Variants in ATP6V1H observed in about 807,000 individuals in gnomAD.
The protein encoded by ATP6V1H is V-type proton ATPase subunit H.
In ATP6V1H, 39 loss-of-function variants were observed where a neutral mutation model predicts 71.7. The observed-to-expected ratio is 0.54, with a 90% CI of 0.42 to 0.71. The LOEUF is 0.71. Among genes scored for constraint, ATP6V1H ranks in the 30% least tolerant of loss-of-function variants. ATP6V1H has a pLI of 0.00. For missense variants in ATP6V1H, 509 were observed against 594.9 expected (o/e 0.86, Z 1.50); for synonymous variants, 192 against 199.3 (o/e 0.96, Z 0.31).
intron 12 of ATP6V1H, among the ~76,000 whole-genome samples, chr8:53,750,734 T>C (rs1049619001): frequency 1.1e-4 from 16 of 151,872 alleles, no homozygotes; most frequent in African/African-American, 3.9e-4. Flanking sequence ...GAGAAACTTG[T>C]AAAAACAAAA....
intron 13 of ATP6V1H, among the ~76,000 whole-genome samples, chr8:53,729,808 A>G (rs1466325865): frequency 1.3e-5 from 2 of 152,190 alleles, no homozygotes; most frequent in African/African-American, 4.8e-5. Context: ...AAGTCCTTCA[A>G]AGTCCTCTGA....
At chr8:53,764,130 G>T (rs1195823847) in intron 11 of ATP6V1H, among the ~76,000 whole-genome samples, 1 of 152,114 alleles carries the variant, frequency 6.6e-6, no homozygotes, top group Non-Finnish European at 1.5e-5. Flanking sequence ...ATTCTCTACA[G>T]TCTCTTCCAG....
At chr8:53,827,761 C>A (rs868116167) in intron 4 of ATP6V1H, among the ~76,000 whole-genome samples, 2 of 152,114 alleles carry the variant, frequency 1.3e-5, no homozygotes, top group Admixed American at 6.6e-5. Flanking sequence ...CTCTCTCCCC[C>A]CACCCTCCAC....
intron 11 of ATP6V1H, among the ~76,000 whole-genome samples, chr8:53,761,051 T>C (rs942065262): frequency 1.3e-5 from 2 of 152,066 alleles, no homozygotes; most frequent in African/African-American, 4.8e-5. Flanking sequence ...AAATACCATA[T>C]ACTAGCCAGG....
chr8:53,794,137 A>T (rs1054395250), intron 9 of ATP6V1H, among the ~76,000 whole-genome samples: 2 of 152,208 alleles, frequency 1.3e-5, no homozygotes, highest in Non-Finnish European at 2.9e-5. Context: ...ATTAAAAAAA[A>T]TACTGAATAT....
intron 10 of ATP6V1H, among the ~76,000 whole-genome samples, chr8:53,771,598 G>A (rs938934302): frequency 6.6e-6 from 1 of 152,098 alleles, no homozygotes; most frequent in Non-Finnish European, 1.5e-5. Context: ...TAAAACATGA[G>A]CCAAAAGGCC....
At chr8:53,786,210 C>T (rs999045342) in intron 9 of ATP6V1H, among the ~76,000 whole-genome samples, 2 of 152,180 alleles carry the variant, frequency 1.3e-5, no homozygotes, top group Non-Finnish European at 2.9e-5. Flanking sequence ...CAGGCCGCTT[C>T]GTTTACCTAC....
chr8:53,802,806 T>C (rs865894544), intron 7 of ATP6V1H, among the ~76,000 whole-genome samples: 9 of 152,302 alleles, frequency 5.9e-5, no homozygotes, highest in Middle Eastern at 6.8e-3. Context: ...AAACTTTATT[T>C]AAAAACCCAT....
intron 13 of ATP6V1H, among the ~76,000 whole-genome samples, chr8:53,718,632 T>A (rs1806510530): frequency 6.6e-6 from 1 of 152,166 alleles, no homozygotes; most frequent in Non-Finnish European, 1.5e-5. Context: ...TTTAGTGATA[T>A]GCCTGCCTCA....
At chr8:53,797,628 A>C (rs7018162) in intron 8 of ATP6V1H, among the ~76,000 whole-genome samples, 26,705 of 151,642 alleles carry the variant, frequency 0.18, 3,954 homozygotes, top group African/African-American at 0.39. Context: ...ATTTTACATC[A>C]CCCACCCCAC....
rs532169820 is a variant in ATP6V1H, at chr8:53,779,876, C to T, written c.871-7709G>A. Among the ~76,000 whole-genome samples, 16 of 152,158 alleles carry T rather than the reference C, an allele frequency of 1.1e-4. No homozygotes were observed. The South Asian group carries it at 2.9e-3, about 28-fold the overall frequency. On this transcript the variant is annotated intron_variant, in intron 9 of 13. Transcript: ENST00000359530. Reference sequence around the variant, plus strand: ...TTAAACTCCATCTTTAAGATATTGTCGGCTGGACTTGATGGCTCACACCTA... The same window carrying T: ...TTAAACTCCATCTTTAAGATATTGTTGGCTGGACTTGATGGCTCACACCTA...
intron 12 of ATP6V1H, among the ~76,000 whole-genome samples, chr8:53,755,699 T>C (rs1585749930): frequency 5.0e-4 from 1 of 2,000 alleles, no homozygotes; most frequent in Non-Finnish European, 1.3e-3. Context: ...TATATATATA[T>C]ATATATATAT....
At chr8:53,736,862 TAGTC>T (rs1215385723) in intron 13 of ATP6V1H, among the ~76,000 whole-genome samples, 1 of 152,184 alleles carries the variant, frequency 6.6e-6, no homozygotes, top group Admixed American at 6.5e-5. Context: ...ATGAAATCAA[TAGTC>T]AGACAGCCCA....
chr8:53,839,024 T>C (rs1811262559), intron 2 of ATP6V1H, among the ~76,000 whole-genome samples: 1 of 152,190 alleles, frequency 6.6e-6, no homozygotes, highest in African/African-American at 2.4e-5. Context: ...CCCACAGGCC[T>C]ACGGAGTGGA....
chr8:53,750,224 A>G (rs569161196), intron 12 of ATP6V1H, among the ~76,000 whole-genome samples: 4 of 152,306 alleles, frequency 2.6e-5, no homozygotes, highest in Non-Finnish European at 5.9e-5. Flanking sequence ...TCTCCACCCA[A>G]TCTTACGAAA....
At chr8:53,821,125 C>T (rs1057376502) in intron 4 of ATP6V1H, among the ~76,000 whole-genome samples, 1 of 149,604 alleles carries the variant, frequency 6.7e-6, no homozygotes, top group South Asian at 2.1e-4. Context: ...AATTCCAGCA[C>T]TTTGGGAGGC....
chr8:53,725,103 T>A (rs1177014371), intron 13 of ATP6V1H, among the ~76,000 whole-genome samples: 2 of 152,200 alleles, frequency 1.3e-5, no homozygotes, highest in Non-Finnish European at 2.9e-5. Flanking sequence ...ATCCCCAATG[T>A]GGGAGTATTG....
chr8:53,786,206 G>A (rs534838037), intron 9 of ATP6V1H, among the ~76,000 whole-genome samples: 24 of 152,316 alleles, frequency 1.6e-4, no homozygotes, highest in South Asian at 1.2e-3. Context: ...CTTCCAGGCC[G>A]CTTCGTTTAC....
At chr8:53,829,627 G>A in intron 3 of ATP6V1H, 94 bp from the exon 4 acceptor site, 1 of 745,214 alleles carries the variant, frequency 1.3e-6, no homozygotes, top group Admixed American at 3.1e-5. Flanking sequence ...TCATAAATTA[G>A]GATACAAATA....
Sources: gnomAD v4.1 joint callset for allele counts (sites outside exome capture counted in the v4.1 genomes callset) on GRCh38, gnomAD v4.1.1 for gene constraint, MANE v1.5 for transcripts, NCBI Gene and HGNC (gene_info 2026-07-23, HGNC 2026-07-21) for gene names.